Variants in RBM24 observed in about 807,000 individuals in gnomAD.
The protein encoded by RBM24 is RNA binding motif protein 24, also known as RNA-binding protein 24.
A neutral mutation model predicts 23.6 loss-of-function variants in RBM24; 5 were observed. The ratio of observed to expected loss-of-function variants is 0.21; its 90% CI spans 0.11 to 0.45. RBM24 has a LOEUF of 0.45. Among genes scored for constraint, RBM24 ranks in the 20% least tolerant of loss-of-function variants. RBM24 has a pLI of 0.99. For synonymous variants in RBM24, 151 were observed against 129.5 expected, an observed-to-expected ratio of 1.17 and a Z score of -1.13; for missense variants, 252 against 314.6, an observed-to-expected ratio of 0.80 and a Z score of 1.51.
chr6:17,281,712 C>A lies in RBM24; in HGVS notation c.131C>A (p.Thr44Asn), dbSNP rs1421067329. 7 of 1,551,860 alleles carry A rather than the reference C, an allele frequency of 4.5e-6. No individual in the cohort carries two copies. The Admixed American group carries it at 9.8e-5, about 22-fold the overall frequency. ...FGEIEEAVVI[T>N]DRQTGKSRGY... ...GAGATCGAGGAGGCGGTGGTCATCACCGACCGGCAGACGGGCAAGTCCCGG... is the reference window on the plus strand; with the variant it reads ...GAGATCGAGGAGGCGGTGGTCATCAACGACCGGCAGACGGGCAAGTCCCGG... Residue 44 changes from threonine (T) to asparagine (N), a missense_variant, in exon 1 of 4, where the codon ACC becomes AAC. Thr to Asn is a moderately conservative substitution (Grantham distance 65). Transcript: ENST00000379052. The surrounding 1 kb of genome is among the most constrained non-coding windows in gnomAD (Gnocchi z 7.1).
At chr6:17,282,002 G>A in intron 1 of RBM24, 2 of 1,346,656 alleles carry the variant, frequency 1.5e-6, no homozygotes, top group Non-Finnish European at 1.9e-6. Flanking sequence ...TGAAAGGAGA[G>A]ACCTGTAATG....
chr6:17,282,768 G>C, intron 1 of RBM24, 37 bp from the exon 2 acceptor site: 1 of 1,612,668 alleles, frequency 6.2e-7, no homozygotes, highest in South Asian at 1.1e-5. Context: ...TTAATTTAGA[G>C]GTTATGTATG....
chr6:17,292,020 GGCACCTGGGACA>G lies in RBM24; in HGVS notation c.615_626del (p.Pro206_Ala209del). 6.2e-7 allele frequency: 1 copy of G among 1,602,878 alleles called. No homozygotes were observed. Among genetic ancestry groups the G allele is most frequent in the Non-Finnish European group, 8.5e-7 (1 of 1,178,332 alleles). On this transcript the variant is annotated inframe_deletion, in exon 4 of 4. Transcript: ENST00000379052. ...CAGTCCAGCAGCCAATCACCGCAGC[GGCACCTGGGACA>G]GCTGCCGCCGCCGCTGCAGCAGCTG... is the stretch of plus-strand genomic sequence containing the variant.
intron 2 of RBM24, 61 bp downstream of exon 2, chr6:17,282,989 G>A: frequency 1.7e-6 from 2 of 1,202,914 alleles, no homozygotes; most frequent in Admixed American, 1.8e-5. Flanking sequence ...TGGGTGGGAT[G>A]ATTCTCTAAT....
At chr6:17,290,104 G>A in intron 3 of RBM24, 1 of 1,286,532 alleles carries the variant, frequency 7.8e-7, no homozygotes, top group Non-Finnish European at 1.0e-6. Context: ...TGGGGCCAAA[G>A]TCCACTACCC....
chr6:17,286,233 A>T (rs577376884), intron 3 of RBM24, among the ~76,000 whole-genome samples: 91 of 143,900 alleles, frequency 6.3e-4, no homozygotes, highest in African/African-American at 2.3e-3. Context: ...TCTGTTCAAT[A>T]TGATCAGAAA....
chr6:17,288,848 G>A (rs1561736439), intron 3 of RBM24: 1 of 985,356 alleles, frequency 1.0e-6, no homozygotes, highest in Non-Finnish European at 1.2e-6. Context: ...AGAATGCCAA[G>A]GCTTAAGAAA....
chr6:17,281,643 A>G lies in RBM24; in HGVS notation c.62A>G (p.His21Arg), dbSNP rs1470286449. The G allele has an allele frequency of 1.3e-6, 2 of 1,549,504 alleles. No homozygotes were observed. The highest frequency in any genetic ancestry group is 8.7e-7 in the Non-Finnish European group (1 of 1,146,534). ...TKIFVGGLPYHTTDASLRKYF... is the reference protein window; with the variant it reads ...TKIFVGGLPYRTTDASLRKYF... ...ATCTTCGTCGGGGGGCTGCCCTACC[A>G]CACCACCGACGCCAGCCTGCGCAAG... The change falls in exon 1 of 4, where the codon CAC (histidine) becomes CGC (arginine). Residue 21 changes from histidine to arginine, a missense_variant. Physicochemically the swap from His to Arg is conservative, Grantham distance 29. Coordinates refer to ENST00000379052, the MANE Select transcript of RBM24 (RefSeq NM_001143942.2). The surrounding 1 kb of genome is among the most constrained non-coding windows in gnomAD (Gnocchi z 7.1).
intron 2 of RBM24, 100 bp downstream of exon 2, chr6:17,283,028 G>A (rs1409595461): frequency 4.9e-5 from 41 of 830,476 alleles, no homozygotes; most frequent in Non-Finnish European, 2.0e-5. Flanking sequence ...TTCTGTAGAT[G>A]TGTTTAGTAA....
intron 3 of RBM24, chr6:17,289,319 C>CT (rs1760286125): frequency 1.0e-6 from 1 of 985,296 alleles, no homozygotes; most frequent in Non-Finnish European, 1.2e-6. Flanking sequence ...TCTCCAAGGT[C>CT]TTTCGGGTTC....
chr6:17,284,639 G>A lies in RBM24; in HGVS notation c.293-18G>A, dbSNP rs760578074. Reference sequence around the variant, plus strand: ...CTAACCATGCACAAATAAAGAATGTGGTATATTTTGTTGTTAGGTTTTGCC... The same window carrying A: ...CTAACCATGCACAAATAAAGAATGTAGTATATTTTGTTGTTAGGTTTTGCC... On this transcript the variant is annotated intron_variant, in intron 2 of 3. Transcript: ENST00000379052. 1 of 1,598,332 alleles carries A rather than the reference G, an allele frequency of 6.3e-7. No homozygotes were observed. Among genetic ancestry groups the A allele is most frequent in the Admixed American group, 1.7e-5 (1 of 59,190 alleles).
chr6:17,289,605 G>T, intron 3 of RBM24: 2 of 985,354 alleles, frequency 2.0e-6, no homozygotes, highest in Non-Finnish European at 2.4e-6. Flanking sequence ...TTAATTCAGA[G>T]ATACCAACCT....
At chr6:17,290,871 T>G in intron 3 of RBM24, 1 of 1,289,744 alleles carries the variant, frequency 7.8e-7, no homozygotes, top group Non-Finnish European at 1.0e-6. Flanking sequence ...TGGCTGACCC[T>G]CAGGTGCCTG....
At chr6:17,290,164 A>T in intron 3 of RBM24, 1 of 1,131,748 alleles carries the variant, frequency 8.8e-7, no homozygotes, top group Non-Finnish European at 1.2e-6. Context: ...GAGTGCTTTC[A>T]GTAAAACTCT....
chr6:17,287,863 A>G (rs1285604917), intron 3 of RBM24, among the ~76,000 whole-genome samples: 1 of 151,930 alleles, frequency 6.6e-6, no homozygotes, highest in Admixed American at 6.6e-5. Flanking sequence ...GGTTGAACAT[A>G]CACTTAAACA....
chr6:17,285,506 C>T (rs1760168036), intron 3 of RBM24, among the ~76,000 whole-genome samples: 1 of 151,744 alleles, frequency 6.6e-6, no homozygotes, highest in East Asian at 1.9e-4. Flanking sequence ...TGTGATTTCT[C>T]TTTGTCAGAA....
Position 17,291,811 on chromosome 6 carries a change from C to A in RBM24, c.403C>A (p.Pro135Thr). The A allele has an allele frequency of 6.2e-7, 1 of 1,614,076 alleles. No individual in the cohort carries two copies. The highest frequency in any genetic ancestry group is 1.1e-5 in the South Asian group (1 of 91,058). Residue 135 changes from proline (P) to threonine (T), a missense_variant, in exon 4 of 4, where the codon CCA becomes ACA. Physicochemically the swap from Pro to Thr is conservative, Grantham distance 38. Transcript: ENST00000379052. ...QAFVQPGVVI[P>T]HVQPTAAAAS... The stretch of plus-strand genomic sequence containing the variant: ...TTTTGTGCAGCCGGGAGTGGTCATT[C>A]CACACGTCCAGCCGACAGCAGCTGC...
At position 17,292,159 on chromosome 6, in the gene RBM24, C is replaced by A; in HGVS notation, c.*40C>A. On this transcript the variant is annotated 3_prime_UTR_variant, in exon 4 of 4. Transcript: ENST00000379052. ...CAAAGTTGAATTGTTTTCTCTTTCC[C>A]TCCCAATTTTCCAATTTTTAGTAGC... The A allele has an allele frequency of 6.9e-7, 1 of 1,458,808 alleles. No homozygotes were observed. The highest frequency in any genetic ancestry group is 9.0e-7 in the Non-Finnish European group (1 of 1,106,932). The allele number at this position is 1,458,808 out of a possible 1,614,324, so 90.4% of individuals were successfully genotyped here.
At chr6:17,288,879 T>G (rs1264637349) in intron 3 of RBM24, 14 of 985,434 alleles carry the variant, frequency 1.4e-5, no homozygotes, top group African/African-American at 1.7e-5. Context: ...GTTTGGTTTT[T>G]TAGGGGCCAA....
Sources: gnomAD v4.1 joint callset for allele counts (sites outside exome capture counted in the v4.1 genomes callset) on GRCh38, gnomAD v4.1.1 for gene constraint, Gnocchi (gnomAD v3.1) non-coding constraint, MANE v1.5 for transcripts, NCBI Gene and HGNC (gene_info 2026-07-23, HGNC 2026-07-21) for gene names.